Variants in IL1RAP observed in about 807,000 individuals in gnomAD.
The protein encoded by IL1RAP is interleukin-1 receptor accessory protein.
In IL1RAP, 35 loss-of-function variants were observed where a neutral mutation model predicts 60.7. The ratio of observed to expected loss-of-function variants is 0.58; its 90% CI spans 0.44 to 0.76. The LOEUF (loss-of-function observed/expected upper bound fraction) is 0.76. Ranked by LOEUF, IL1RAP falls within the 30% of genes least tolerant of loss-of-function variation. The pLI is 0.00. For synonymous variants in IL1RAP, 268 were observed against 250.9 expected (o/e 1.07, Z -0.64); for missense variants, 572 against 693.9 (o/e 0.82, Z 1.97).
chr3:190,569,508 T>A (rs949600112), intron 3 of IL1RAP, among the ~76,000 whole-genome samples: 1 of 152,182 alleles, frequency 6.6e-6, no homozygotes, highest in African/African-American at 2.4e-5. Flanking sequence ...TTATTCTTAG[T>A]CCTAAAGGTC....
At chr3:190,563,927 A>AAG (rs3832238) in intron 2 of IL1RAP, 119,042 of 182,014 alleles carry the variant, frequency 0.65, 41,355 homozygotes, top group South Asian at 0.84. Context: ...TTCAGTGAAA[A>AAG]AGAGAGTTGT....
rs143140037 is a variant in IL1RAP, at chr3:190,619,291, G to C, written c.538-984G>C. Among the ~76,000 whole-genome samples the C allele has an allele frequency of 2.5e-3, 382 of 152,264 alleles. 1 individual carries two copies. Among genetic ancestry groups the C allele is most frequent in the Admixed American group, 4.6e-3 (70 of 15,286 alleles). The stretch of plus-strand genomic sequence containing the variant: ...TCTAGATATGTTGAATGAGATAGTT[G>C]TGGACTGAGATAGTTCAATTTCTCA... On this transcript the variant is annotated intron_variant, in intron 5 of 11. Transcript: ENST00000447382.
In IL1RAP at chr3:190,620,456, G is replaced by T; in HGVS notation, c.703+16G>T. On this transcript the variant is annotated intron_variant, in intron 6 of 11. Coordinates refer to ENST00000447382, the MANE Select transcript of IL1RAP (RefSeq NM_002182.4). Reference sequence around the variant, plus strand: ...AAGGTAGTAGGTAAGCATGATTAGTGTCCAGTACACACAACAAGCATGTGA... The same window carrying T: ...AAGGTAGTAGGTAAGCATGATTAGTTTCCAGTACACACAACAAGCATGTGA... The T allele has an allele frequency of 6.3e-7, 1 of 1,598,370 alleles. No individual in the cohort carries two copies. The highest frequency in any genetic ancestry group is 8.5e-7 in the Non-Finnish European group (1 of 1,171,734).
chr3:190,554,060 C>CAAAA (rs1166716731), intron 1 of IL1RAP, among the ~76,000 whole-genome samples: 4 of 87,910 alleles, frequency 4.6e-5, no homozygotes, highest in African/African-American at 5.1e-5. Flanking sequence ...GACTCCGTCT[C>CAAAA]AAAAAAAAAA....
chr3:190,603,588 G>A (rs548254612), intron 3 of IL1RAP, among the ~76,000 whole-genome samples: 2 of 152,196 alleles, frequency 1.3e-5, no homozygotes, highest in Admixed American at 1.3e-4. Flanking sequence ...TGGATATATT[G>A]GGTTTAACAA....
chr3:190,638,576 TG>T (rs562034133), intron 9 of IL1RAP, among the ~76,000 whole-genome samples: 2 of 152,220 alleles, frequency 1.3e-5, no homozygotes, highest in Non-Finnish European at 2.9e-5. Flanking sequence ...TGTTTTTTCG[TG>T]AAGTGTTTTA....
intron 7 of IL1RAP, chr3:190,624,727 T>A: frequency 4.9e-6 from 1 of 204,960 alleles, no homozygotes; most frequent in Non-Finnish European, 1.1e-5. Flanking sequence ...TTTCAGGCAG[T>A]GCCTGTTTTG....
chr3:190,572,855 C>CTTTT (rs1337681913), intron 3 of IL1RAP, among the ~76,000 whole-genome samples: 3 of 57,638 alleles, frequency 5.2e-5, no homozygotes, highest in African/African-American at 2.0e-4. Flanking sequence ...AGGGTTAATG[C>CTTTT]TTTGTTTTTT....
rs1478944186 is a variant in IL1RAP, at chr3:190,650,317, G to A, written c.*1612G>A. Reference sequence around the variant, plus strand: ...ATTGCTACAGTTTATCTAGGTTGCAGTGGCATCTGCTGTGCACAGAGCTTC... The same window carrying A: ...ATTGCTACAGTTTATCTAGGTTGCAATGGCATCTGCTGTGCACAGAGCTTC... On this transcript the variant is annotated 3_prime_UTR_variant, in exon 12 of 12. Coordinates refer to ENST00000447382, the MANE Select transcript of IL1RAP (RefSeq NM_002182.4). The A allele has an allele frequency of 2.0e-6, 2 of 985,096 alleles. No homozygotes were observed. The highest frequency in any genetic ancestry group is 2.4e-6 in the Non-Finnish European group (2 of 829,768). The allele number at this position is 985,096 out of a possible 1,614,324, so 61.0% of individuals were successfully genotyped here.
chr3:190,518,470 C>G (rs1459694551), intron 1 of IL1RAP: 3 of 152,124 alleles, frequency 2.0e-5, no homozygotes, highest in South Asian at 2.1e-4. Context: ...AATATATCAT[C>G]TCATTCAATC....
intron 3 of IL1RAP, among the ~76,000 whole-genome samples, chr3:190,587,843 AAT>A (rs1380795813): frequency 6.6e-6 from 1 of 152,228 alleles, no homozygotes; most frequent in Non-Finnish European, 1.5e-5. Context: ...ACTGCTGCCC[AAT>A]AGCTCTGTGA....
intron 3 of IL1RAP, among the ~76,000 whole-genome samples, chr3:190,592,987 G>A (rs1319537324): frequency 6.6e-6 from 1 of 152,144 alleles, no homozygotes. Flanking sequence ...ATAAACAGGA[G>A]TAGTACACTA....
At chr3:190,529,365 C>T (rs1399376253) in intron 1 of IL1RAP, among the ~76,000 whole-genome samples, 2 of 146,460 alleles carry the variant, frequency 1.4e-5, no homozygotes, top group South Asian at 4.2e-4. Flanking sequence ...ACCAGCCTGG[C>T]CAACGTGGTG....
intron 2 of IL1RAP, among the ~76,000 whole-genome samples, chr3:190,558,826 A>G (rs1725650531): frequency 6.6e-6 from 1 of 152,200 alleles, no homozygotes; most frequent in Admixed American, 6.6e-5. Context: ...TGAGTTTCTC[A>G]GTTCATGAAT....
At chr3:190,561,096 G>A (rs3821740) in intron 2 of IL1RAP, among the ~76,000 whole-genome samples, 13,663 of 152,120 alleles carry the variant, frequency 0.09, 666 homozygotes, top group East Asian at 0.12. Flanking sequence ...ATAATCTAAA[G>A]CTAAGCTCTA....
At chr3:190,521,348 T>C (rs1722001542) in intron 1 of IL1RAP, among the ~76,000 whole-genome samples, 2 of 152,068 alleles carry the variant, frequency 1.3e-5, no homozygotes, top group Admixed American at 6.6e-5. Context: ...GTGTTGCTAA[T>C]GTTTTACATC....
chr3:190,522,419 G>GTATGTATC (rs1722148495), intron 1 of IL1RAP, among the ~76,000 whole-genome samples: 1 of 142,634 alleles, frequency 7.0e-6, no homozygotes, highest in African/African-American at 2.7e-5. Context: ...ATGTATCTAT[G>GTATGTATC]TATCTATCTA....
rs1731948729 is a variant in IL1RAP at position 190,623,390 on chromosome 3, T to C, written c.750T>C (p.Asp250=). 1 of 1,613,200 alleles carries C rather than the reference T, an allele frequency of 6.2e-7. No individual in the cohort carries two copies. The highest frequency in any genetic ancestry group is 8.5e-7 in the Non-Finnish European group (1 of 1,179,264). ...CCCCTGTGATCCATTCACCTAATGA[T>C]CATGTGGTCTATGAGAAAGAACCAG... ...AVPPVIHSPN[D]HVVYEKEPGE... is the part of the protein sequence containing the mutation. The change falls in exon 7 of 12, where the codon GAT becomes GAC. Residue 250 remains aspartate (D), a synonymous_variant. Transcript: ENST00000447382.
rs894326240 is a variant in IL1RAP at position 190,649,714 on chromosome 3, A to C, written c.*1009A>C. 1 of 985,776 alleles carries C rather than the reference A, an allele frequency of 1.0e-6. No homozygotes were observed. The highest frequency in any genetic ancestry group is 1.2e-6 in the Non-Finnish European group (1 of 829,890). The allele number at this position is 985,776 out of a possible 1,614,324, so 61.1% of individuals were successfully genotyped here. On this transcript the variant is annotated 3_prime_UTR_variant, in exon 12 of 12. Coordinates refer to ENST00000447382, the MANE Select transcript of IL1RAP (RefSeq NM_002182.4). ...GCGGAGGTCAGTCTTAGTGGCCTTG[A>C]GAGTTGCTTTTGGCATTAATATTCT...
Sources: gnomAD v4.1 joint callset for allele counts (sites outside exome capture counted in the v4.1 genomes callset) on GRCh38, gnomAD v4.1.1 for gene constraint, MANE v1.5 for transcripts, NCBI Gene and HGNC (gene_info 2026-07-23, HGNC 2026-07-21) for gene names.